Variants in MPP7 observed in about 807,000 individuals in gnomAD.
MPP7 encodes MAGUK p55 scaffold protein 7, also known as MAGUK p55 subfamily member 7.
A neutral mutation model predicts 76.5 loss-of-function variants in MPP7; 60 were observed. The ratio of observed to expected loss-of-function variants is 0.78; its 90% CI spans 0.64 to 0.97. The LOEUF (loss-of-function observed/expected upper bound fraction) is 0.97. Among genes scored for constraint, MPP7 ranks in the 50% least tolerant of loss-of-function variants. MPP7 has a pLI of 0.00. For synonymous variants in MPP7, 237 were observed against 244.5 expected (o/e 0.97, Z 0.29); for missense variants, 641 against 694.0 (o/e 0.92, Z 0.86).
intron 3 of MPP7, among the ~76,000 whole-genome samples, chr10:28,175,788 T>C (rs1395214704): frequency 6.6e-6 from 1 of 152,018 alleles, no homozygotes; most frequent in African/African-American, 2.4e-5. Flanking sequence ...TCAGGGAAAA[T>C]TGCTCCCTGA....
chr10:28,228,425 T>C (rs1027513289), intron 2 of MPP7, among the ~76,000 whole-genome samples: 2 of 152,156 alleles, frequency 1.3e-5, no homozygotes, highest in African/African-American at 4.8e-5. Flanking sequence ...AACTGATCTA[T>C]AGTGCAAACA....
chr10:28,315,576 G>C (rs1834313375), intron 2 of MPP7, among the ~76,000 whole-genome samples: 1 of 152,152 alleles, frequency 6.6e-6, no homozygotes, highest in Non-Finnish European at 1.5e-5. Context: ...TGGTTTTTAA[G>C]GGCTTCTTTT....
intron 11 of MPP7, among the ~76,000 whole-genome samples, chr10:28,095,878 C>G (rs1366346397): frequency 6.6e-6 from 1 of 152,114 alleles, no homozygotes. Context: ...TATGGACAGG[C>G]TTTTTCCAGG....
intron 2 of MPP7, among the ~76,000 whole-genome samples, chr10:28,316,098 A>G (rs1589047320): frequency 6.6e-6 from 1 of 152,204 alleles, no homozygotes; most frequent in East Asian, 1.9e-4. Context: ...GTAATGTGGT[A>G]CCCTGGATGG....
intron 2 of MPP7, among the ~76,000 whole-genome samples, chr10:28,329,489 C>T (rs1217210229): frequency 6.6e-6 from 1 of 151,880 alleles, no homozygotes; most frequent in African/African-American, 2.4e-5. Flanking sequence ...ATTAGCTGGG[C>T]GTGGTGGTGG....
intron 1 of MPP7, among the ~76,000 whole-genome samples, chr10:28,268,044 C>CA (rs1159892901): frequency 1.5e-4 from 23 of 151,614 alleles, no homozygotes; most frequent in African/African-American, 2.7e-4. Flanking sequence ...CCTCAAAAAA[C>CA]AAAAACAAAC....
chr10:28,292,089 T>C (rs1248651939), intron 1 of MPP7, among the ~76,000 whole-genome samples: 2 of 152,210 alleles, frequency 1.3e-5, no homozygotes, highest in Non-Finnish European at 2.9e-5. Flanking sequence ...TACAGATGTT[T>C]AGATATACAA....
chr10:28,112,446 AAT>A (rs1471512209), intron 11 of MPP7, among the ~76,000 whole-genome samples: 1 of 152,246 alleles, frequency 6.6e-6, no homozygotes, highest in Non-Finnish European at 1.5e-5. Context: ...TCCACAAAAA[AAT>A]CTGTAATTTA....
chr10:28,316,992 C>T (rs1834330095), intron 2 of MPP7, among the ~76,000 whole-genome samples: 1 of 152,002 alleles, frequency 6.6e-6, no homozygotes, highest in Admixed American at 6.6e-5. Context: ...TGTACCCACG[C>T]ATGTATGTAA....
At chr10:28,289,366 T>C (rs1148173) in intron 1 of MPP7, 108,135 of 151,654 alleles carry the variant, frequency 0.71, 38,812 homozygotes, top group African/African-American at 0.8. Flanking sequence ...GAAGCTGAGA[T>C]GAACTGTTTC....
chr10:28,187,502 T>C lies in MPP7; in HGVS notation c.156+14651A>G, dbSNP rs867158027. Among the ~76,000 whole-genome samples the C allele has an allele frequency of 5.3e-5, 8 of 152,256 alleles. No individual in the cohort carries two copies. In the South Asian group the frequency reaches 1.7e-3, roughly 32 times the overall value. On this transcript the variant is annotated intron_variant, in intron 3 of 16. Transcript: ENST00000683449. ...CTCTGTCAGACCAGGTGGCCATGGA[T>C]CATTCGCAATGTCTGGCTGTCTTTT...
At chr10:28,068,904 A>G (rs564068601) in intron 13 of MPP7, among the ~76,000 whole-genome samples, 1 of 152,330 alleles carries the variant, frequency 6.6e-6, no homozygotes, top group East Asian at 1.9e-4. Context: ...AGAGTAGGGA[A>G]GCTGTGATTA....
chr10:28,143,902 T>TGTGTGTGTGTGTGA (rs1303829355), intron 5 of MPP7, among the ~76,000 whole-genome samples: 1 of 127,696 alleles, frequency 7.8e-6, no homozygotes, highest in African/African-American at 3.2e-5. Flanking sequence ...TGTGTGTGTG[T>TGTGTGTGTGTGTGA]GAGACTGAGT....
At chr10:28,136,587 T>C (rs1457291959) in intron 5 of MPP7, among the ~76,000 whole-genome samples, 3 of 151,634 alleles carry the variant, frequency 2.0e-5, no homozygotes, top group East Asian at 1.9e-4. Context: ...GACAAGAAAA[T>C]TAAAAGTTAT....
intron 3 of MPP7, among the ~76,000 whole-genome samples, chr10:28,180,250 C>T (rs113950580): frequency 6.6e-6 from 1 of 151,986 alleles, no homozygotes; most frequent in African/African-American, 2.4e-5. Context: ...AAAGGAAACA[C>T]AAATCAAAAG....
chr10:28,215,062 G>T (rs1838264758), intron 2 of MPP7, among the ~76,000 whole-genome samples: 1 of 151,920 alleles, frequency 6.6e-6, no homozygotes, highest in Admixed American at 6.6e-5. Flanking sequence ...AAAACAGCAA[G>T]AAAACCTCAC....
chr10:28,228,445 T>C (rs980521676), intron 2 of MPP7, among the ~76,000 whole-genome samples: 13 of 152,252 alleles, frequency 8.5e-5, no homozygotes, highest in African/African-American at 3.1e-4. Context: ...AACTTGAACA[T>C]GGGCCAAACA....
At chr10:28,136,066 C>A (rs1432906483) in intron 5 of MPP7, among the ~76,000 whole-genome samples, 1 of 151,892 alleles carries the variant, frequency 6.6e-6, no homozygotes, top group Non-Finnish European at 1.5e-5. Flanking sequence ...CTATTGTGAA[C>A]TGAGTATGCG....
At chr10:28,185,459 G>T (rs1052249074) in intron 3 of MPP7, among the ~76,000 whole-genome samples, 1 of 152,030 alleles carries the variant, frequency 6.6e-6, no homozygotes, top group African/African-American at 2.4e-5. Context: ...ACACAAAAGG[G>T]TGAATAGACA....
Sources: gnomAD v4.1 joint callset for allele counts (sites outside exome capture counted in the v4.1 genomes callset) on GRCh38, gnomAD v4.1.1 for gene constraint, MANE v1.5 for transcripts, NCBI Gene and HGNC (gene_info 2026-07-23, HGNC 2026-07-21) for gene names.